The following TSHZ3 variants were observed in gnomAD, a reference collection of about 807,000 sequenced individuals.
TSHZ3 encodes the protein teashirt homolog 3.
In TSHZ3, 10 loss-of-function variants were observed where a neutral mutation model predicts 64.5. That is an observed-to-expected ratio of 0.16 (90% CI 0.10 to 0.26). The LOEUF is 0.26. Ranked by LOEUF, TSHZ3 falls within the 10% of genes least tolerant of loss-of-function variation. TSHZ3 has a pLI of 1.00. For missense variants in TSHZ3, 1,242 were observed against 1,421.7 expected, an observed-to-expected ratio of 0.87 and a Z score of 2.03; for synonymous variants, 608 against 593.1, an observed-to-expected ratio of 1.03 and a Z score of -0.36.
At chr19:31,230,303 T>A (rs971180813) in intron 3 of TSHZ3, among the ~76,000 whole-genome samples, 4 of 152,192 alleles carry the variant, frequency 2.6e-5, no homozygotes, top group Non-Finnish European at 5.9e-5. Flanking sequence ...CATTTCATTT[T>A]TTTGTTTTTA....
chr19:31,281,737 T>C (rs914439604), intron 1 of TSHZ3, among the ~76,000 whole-genome samples: 2 of 151,998 alleles, frequency 1.3e-5, no homozygotes, highest in Non-Finnish European at 2.9e-5. Context: ...TGGAAAAGAA[T>C]AGGAAAAGAA....
chr19:31,225,214 C>T (rs1047426606), intron 4 of TSHZ3, among the ~76,000 whole-genome samples: 6 of 152,162 alleles, frequency 3.9e-5, no homozygotes, highest in Non-Finnish European at 8.8e-5. Flanking sequence ...TTGAGCATCC[C>T]GAATGGCATT....
intron 5 of TSHZ3, among the ~76,000 whole-genome samples, chr19:31,190,608 C>T (rs1974889806): frequency 6.6e-6 from 1 of 151,542 alleles, no homozygotes; most frequent in African/African-American, 2.4e-5. Context: ...AATATATTCT[C>T]AACTATGTAG....
Position 31,276,589 on chromosome 19 carries a change from CG to C in TSHZ3, c.3203del (p.Pro1068ArgfsTer11), listed in dbSNP as rs1315883472. The C allele has an allele frequency of 8.8e-6, 14 of 1,588,600 alleles. No individual in the cohort carries two copies. The highest frequency in any genetic ancestry group is 1.3e-5 in the African/African-American group (1 of 74,264). On this transcript the variant is annotated frameshift_variant, in exon 2 of 2. Coordinates refer to ENST00000240587, the MANE Select transcript of TSHZ3 (RefSeq NM_020856.4). LOFTEE classifies it high-confidence loss of function. ...CAGAGACATACAGAAGGTGGTCTTC[CG>C]GAGATTTCCCGTGTGTTTTGCTAAG... ...LHLSKTHGKS[P>X]EDHLLYVSEL...
chr19:31,264,731 G>A (rs1170527055), intron 1 of TSHZ3, among the ~76,000 whole-genome samples: 4 of 147,926 alleles, frequency 2.7e-5, no homozygotes, highest in East Asian at 2.0e-4. Flanking sequence ...TTTTTAAGCC[G>A]TGTGGCTCAA....
intron 4 of TSHZ3, among the ~76,000 whole-genome samples, chr19:31,218,418 T>C (rs2145165913): frequency 6.6e-6 from 1 of 152,312 alleles, no homozygotes; most frequent in Admixed American, 6.5e-5. Flanking sequence ...CTGGCAAGGA[T>C]GTGGAGTAAC....
intron 1 of TSHZ3, among the ~76,000 whole-genome samples, chr19:31,267,707 A>G (rs1367087386): frequency 6.6e-6 from 1 of 151,984 alleles, no homozygotes; most frequent in Non-Finnish European, 1.5e-5. Context: ...GAAGGGAGTC[A>G]CACAGGGGTG....
At chr19:31,262,423 TC>T (rs1975991853) in intron 1 of TSHZ3, among the ~76,000 whole-genome samples, 1 of 151,758 alleles carries the variant, frequency 6.6e-6, no homozygotes, top group African/African-American at 2.4e-5. Context: ...TTCGAAGAGC[TC>T]CCCCCTCCCA....
intron 1 of TSHZ3, among the ~76,000 whole-genome samples, chr19:31,346,588 T>C (rs1917598247): frequency 6.6e-6 from 1 of 152,176 alleles, no homozygotes; most frequent in Non-Finnish European, 1.5e-5. Flanking sequence ...ATTCTCAAGG[T>C]TGCTGGGGAC....
At chr19:31,280,337 C>CTT (rs993688645) in intron 1 of TSHZ3, among the ~76,000 whole-genome samples, 4 of 144,986 alleles carry the variant, frequency 2.8e-5, no homozygotes, top group African/African-American at 1.0e-4. Context: ...GATTTTGTGG[C>CTT]TTTTTTTTTT....
At chr19:31,348,382 T>G (rs2021577212) in intron 1 of TSHZ3, among the ~76,000 whole-genome samples, 1 of 151,940 alleles carries the variant, frequency 6.6e-6, no homozygotes, top group Admixed American at 6.5e-5. Flanking sequence ...GTTTTTGTTT[T>G]GTTTTCAATG....
At chr19:31,153,512 A>G (rs919899103) in intron 6 of TSHZ3, among the ~76,000 whole-genome samples, 1 of 152,360 alleles carries the variant, frequency 6.6e-6, no homozygotes, top group South Asian at 2.1e-4. Flanking sequence ...GATAAATATC[A>G]TCCATAGTTT....
chr19:31,234,835 A>G (rs1273367227), intron 3 of TSHZ3, among the ~76,000 whole-genome samples: 2 of 152,118 alleles, frequency 1.3e-5, no homozygotes, highest in Non-Finnish European at 2.9e-5. Flanking sequence ...TTCCAACTGC[A>G]TTGTCGGCTT....
chr19:31,350,192 G>A (rs1379680842), upstream of TSHZ3, among the ~76,000 whole-genome samples: 1 of 150,684 alleles, frequency 6.6e-6, no homozygotes, highest in African/African-American at 2.4e-5. Flanking sequence ...GAGCCCACGG[G>A]CAGGCCCCCT....
At chr19:31,293,546 CT>C (rs1325673301) in intron 1 of TSHZ3, among the ~76,000 whole-genome samples, 1 of 152,196 alleles carries the variant, frequency 6.6e-6, no homozygotes. Context: ...CTCCAAGGTC[CT>C]GCTCATTCCA....
chr19:31,252,059 A>T (rs1373313650), intron 1 of TSHZ3, among the ~76,000 whole-genome samples: 1 of 152,184 alleles, frequency 6.6e-6, no homozygotes, highest in Non-Finnish European at 1.5e-5. Flanking sequence ...TAACCTGCAG[A>T]TGTTTCCAAC....
intron 1 of TSHZ3, among the ~76,000 whole-genome samples, chr19:31,252,226 T>A (rs1975853009): frequency 6.6e-6 from 1 of 152,088 alleles, no homozygotes; most frequent in East Asian, 1.9e-4. Context: ...CAGGGGAAAA[T>A]CCGTTTCTTG....
At chr19:31,267,980 C>G (rs566881509) in intron 1 of TSHZ3, among the ~76,000 whole-genome samples, 2 of 152,222 alleles carry the variant, frequency 1.3e-5, no homozygotes, top group African/African-American at 4.8e-5. Flanking sequence ...TGAATTGTAG[C>G]TCCCATAATC....
Position 31,244,251 on chromosome 19 carries a change from T to C in TSHZ3, n.64-1376A>G, listed in dbSNP as rs10405088. On this transcript the variant is annotated intron_variant and non_coding_transcript_variant, in intron 1 of 6. Transcript: ENST00000651361. ...CCCATGCTGCTCTCTTGATAGTGAGTGAGTGAGTGCTCATTAGATCCGGTT... is the reference window on the plus strand; with the variant it reads ...CCCATGCTGCTCTCTTGATAGTGAGCGAGTGAGTGCTCATTAGATCCGGTT... Among the ~76,000 whole-genome samples, 312 of 152,170 alleles carry C rather than the reference T, an allele frequency of 2.1e-3. 2 individuals carry two copies. Among genetic ancestry groups the C allele is most frequent in the African/African-American group, 7.2e-3 (299 of 41,516 alleles).
Sources: gnomAD v4.1 joint callset for allele counts (sites outside exome capture counted in the v4.1 genomes callset) on GRCh38, gnomAD v4.1.1 for gene constraint, MANE v1.5 for transcripts, NCBI Gene and HGNC (gene_info 2026-07-23, HGNC 2026-07-21) for gene names.